Variants in TRIM64B observed in about 807,000 individuals in gnomAD.
The protein encoded by TRIM64B is tripartite motif containing 64B, also known as tripartite motif-containing protein 64B.
For synonymous variants in TRIM64B, 17 were observed against 190.3 expected (o/e 0.09, Z 7.50); for missense variants, 57 against 536.4 (o/e 0.11, Z 8.83).
chr11:89,875,731 T>G (rs680295), exon 1 of TRIM64B: 187,312 of 1,294,314 alleles, frequency 0.14, 17,198 homozygotes, highest in African/African-American at 0.42. Context: ...CTTAGTCTCC[T>G]CATGGAGCAC....
chr11:89,876,303 TA>T (rs1463231355), upstream of TRIM64B, among the ~76,000 whole-genome samples: 1 of 144,512 alleles, frequency 6.9e-6, no homozygotes, highest in African/African-American at 2.5e-5. Context: ...TGTGAATTTG[TA>T]TGTAACCTAA....
At chr11:89,876,310 C>T (rs1404088050), upstream of TRIM64B, among the ~76,000 whole-genome samples, 5 of 144,462 alleles carry the variant, frequency 3.5e-5, no homozygotes, top group African/African-American at 1.2e-4. Flanking sequence ...TTGTATGTAA[C>T]CTAAACCTAT....
chr11:89,872,329 C>G lies in TRIM64B; in HGVS notation c.759-17G>C, dbSNP rs1436622871. The G allele has an allele frequency of 6.6e-7, 1 of 1,524,742 alleles. No individual in the cohort carries two copies. Among genetic ancestry groups the G allele is most frequent in the East Asian group, 2.5e-5 (1 of 40,724 alleles). The allele number at this position is 1,524,742 out of a possible 1,614,324, so 94.5% of individuals were successfully genotyped here. The stretch of plus-strand genomic sequence containing the variant: ...AAATCAGTCCTGCAAAAAAAATGGC[C>G]TCAGTTATATTTCCAGGCCCAGAGC... On this transcript the variant is annotated splice_polypyrimidine_tract_variant and intron_variant, in intron 4 of 5. Coordinates refer to ENST00000329862, the Ensembl canonical transcript of TRIM64B.
At chr11:89,877,753 G>A (rs1488448846), upstream of TRIM64B, among the ~76,000 whole-genome samples, 3 of 149,398 alleles carry the variant, frequency 2.0e-5, no homozygotes, top group East Asian at 3.9e-4. Flanking sequence ...CTGAGTAGCT[G>A]GTATTACAGG....
At chr11:89,876,549 C>T (rs1398711752), upstream of TRIM64B, among the ~76,000 whole-genome samples, 21 of 149,510 alleles carry the variant, frequency 1.4e-4, 3 homozygotes, top group Admixed American at 2.7e-4. Flanking sequence ...GGTGAAACCC[C>T]GTTTCTACTA....
At chr11:89,874,260 T>C (rs912540032) in exon 3 of TRIM64B, 1 of 1,478,078 alleles carries the variant, frequency 6.8e-7, no homozygotes, top group African/African-American at 1.6e-5. Flanking sequence ...GATTATCCTC[T>C]TCCTTACTGA....
At chr11:89,872,432 G>A in intron 4 of TRIM64B, 120 bp from the exon 6 acceptor site, 1 of 1,514,994 alleles carries the variant, frequency 6.6e-7, no homozygotes, top group Admixed American at 2.0e-5. Flanking sequence ...TGGTTAACTG[G>A]GTGTACATTT....
chr11:89,870,971 C>G (rs1297225366), exon 6 of TRIM64B: 2 of 1,550,552 alleles, frequency 1.3e-6, no homozygotes, highest in African/African-American at 2.7e-5. Context: ...GAGGTGAATG[C>G]TTGCGCTCCC....
At chr11:89,877,609 C>CTTTTTTTTTTTTTT (rs1280189775), upstream of TRIM64B, among the ~76,000 whole-genome samples, 2 of 141,502 alleles carry the variant, frequency 1.4e-5, no homozygotes, top group South Asian at 2.2e-4. Flanking sequence ...TTTTCTTTTT[C>CTTTTTTTTTTTTTT]TTTTTTTTTT....
intron 5 of TRIM64B, among the ~76,000 whole-genome samples, chr11:89,871,494 G>GAATAAT (rs1950107879): frequency 3.3e-5 from 5 of 151,992 alleles, no homozygotes; most frequent in African/African-American, 1.2e-4. Context: ...GTATTTATTG[G>GAATAAT]AATGTAAGTT....
upstream of TRIM64B, among the ~76,000 whole-genome samples, chr11:89,876,809 G>A (rs1253420177): frequency 2.7e-5 from 4 of 149,308 alleles, no homozygotes; most frequent in African/African-American, 4.8e-5. Flanking sequence ...TTGAATCCAC[G>A]GGTATGAAAC....
intron 1 of TRIM64B, 40 bp downstream of exon 2, chr11:89,875,570 G>T (rs1950154795): frequency 3.1e-6 from 4 of 1,293,886 alleles, no homozygotes; most frequent in Non-Finnish European, 1.0e-6. Context: ...TCTTATTTGG[G>T]ATTCTGTATA....
At chr11:89,877,613 T>C (rs1481416359), upstream of TRIM64B, among the ~76,000 whole-genome samples, 5 of 146,766 alleles carry the variant, frequency 3.4e-5, no homozygotes, top group East Asian at 2.0e-4. Context: ...CTTTTTCTTT[T>C]TTTTTTTTTT....
chr11:89,872,414 G>A (rs1950120102), intron 4 of TRIM64B, 102 bp from the exon 6 acceptor site: 1 of 1,532,958 alleles, frequency 6.5e-7, no homozygotes, highest in African/African-American at 1.4e-5. Flanking sequence ...TCACAATTCT[G>A]CCAGTTTTGG....
At chr11:89,877,714 G>A (rs1256369326), upstream of TRIM64B, among the ~76,000 whole-genome samples, 1 of 149,380 alleles carries the variant, frequency 6.7e-6, no homozygotes, top group East Asian at 2.0e-4. Context: ...CCACCTCCCA[G>A]GTTCAAACAA....
At chr11:89,872,941 T>TTTG (rs2064084206) in intron 4 of TRIM64B, among the ~76,000 whole-genome samples, 1 of 147,468 alleles carries the variant, frequency 6.8e-6, no homozygotes, top group African/African-American at 2.6e-5. Context: ...TTTTTTTTTT[T>TTTG]TAACCTCCCA....
chr11:89,876,378 T>C (rs1950163677), upstream of TRIM64B, among the ~76,000 whole-genome samples: 1 of 148,036 alleles, frequency 6.8e-6, no homozygotes, highest in Admixed American at 6.8e-5. Context: ...GTAAATGCTG[T>C]ATAAATACTT....
intron 3 of TRIM64B, 69 bp from the exon 5 acceptor site, chr11:89,873,359 GTT>G: frequency 6.5e-7 from 1 of 1,529,674 alleles, no homozygotes; most frequent in Non-Finnish European, 8.8e-7. Flanking sequence ...TCATACTCTT[GTT>G]TCTTTCTGTT....
intron 1 of TRIM64B, 119 bp from the exon 3 acceptor site, chr11:89,875,192 C>G (rs2134709918): frequency 1.0e-6 from 1 of 991,674 alleles, no homozygotes; most frequent in East Asian, 2.6e-5. Context: ...GTGAAGTGGT[C>G]AGATTTTTCC....
Sources: gnomAD v4.1 joint callset for allele counts (sites outside exome capture counted in the v4.1 genomes callset) on GRCh38, gnomAD v4.1.1 for gene constraint, MANE v1.5 for transcripts, NCBI Gene and HGNC (gene_info 2026-07-23, HGNC 2026-07-21) for gene names.